Variants in BNC2 observed in about 807,000 individuals in gnomAD.
The protein encoded by BNC2 is basonuclin zinc finger protein 2.
Under a neutral mutation model 76.3 loss-of-function variants are expected in BNC2, and 20 were observed. The observed-to-expected ratio is 0.26, with a 90% CI of 0.18 to 0.38. The LOEUF (loss-of-function observed/expected upper bound fraction) is 0.38, where lower values mean the gene tolerates loss of function less well. Among genes scored for constraint, BNC2 ranks in the 10% least tolerant of loss-of-function variants. BNC2 has a pLI of 1.00. For synonymous variants in BNC2, 582 were observed against 514.8 expected (o/e 1.13, Z -1.77); for missense variants, 1,382 against 1,399.8 (o/e 0.99, Z 0.20).
intron 4 of BNC2, among the ~76,000 whole-genome samples, chr9:16,559,485 A>G (rs1818945036): frequency 6.6e-6 from 1 of 152,220 alleles, no homozygotes; most frequent in Non-Finnish European, 1.5e-5. Context: ...AGGCTCAATC[A>G]GGTTAGGTAA....
chr9:16,535,997 G>C (rs970411218), intron 5 of BNC2, among the ~76,000 whole-genome samples: 5 of 152,040 alleles, frequency 3.3e-5, no homozygotes, highest in African/African-American at 4.8e-5. Context: ...CTAATAGCCA[G>C]ATATGTAAAT....
chr9:16,728,150 G>T lies in BNC2; in HGVS notation c.130-153C>A, dbSNP rs1824405318. On this transcript the variant is annotated intron_variant, in intron 2 of 6. Coordinates refer to ENST00000380672, the MANE Select transcript of BNC2 (RefSeq NM_017637.6). ...GAGCTTCTTTCGCACCTTCTGCACA[G>T]ATATCCCTATCATTTATGCATAGAT... The T allele has an allele frequency of 9.3e-6, 7 of 755,544 alleles. No homozygotes were observed. The South Asian group carries it at 9.9e-5, about 11-fold the overall frequency. 46.8% of individuals were successfully genotyped at this position (755,544 alleles called of 1,614,324 possible). A position where few individuals can be genotyped will look rare whatever the true frequency, so the allele number is the denominator to read the frequency against.
chr9:16,578,914 C>G (rs1050059183), intron 4 of BNC2, among the ~76,000 whole-genome samples: 1 of 152,040 alleles, frequency 6.6e-6, no homozygotes, highest in African/African-American at 2.4e-5. Context: ...AGAGACTTGA[C>G]AGAATTAGAA....
chr9:16,850,324 T>C (rs892373643), intron 1 of BNC2, among the ~76,000 whole-genome samples: 2 of 152,232 alleles, frequency 1.3e-5, no homozygotes, highest in Non-Finnish European at 2.9e-5. Flanking sequence ...CATGCATGTA[T>C]GGTACGCATG....
intron 3 of BNC2, among the ~76,000 whole-genome samples, chr9:16,623,205 A>C (rs1820910340): frequency 6.6e-6 from 1 of 152,172 alleles, no homozygotes; most frequent in South Asian, 2.1e-4. Context: ...TATTCCAGTA[A>C]ACGAGACACA....
At chr9:16,698,821 A>G (rs1283387480) in intron 3 of BNC2, among the ~76,000 whole-genome samples, 1 of 152,232 alleles carries the variant, frequency 6.6e-6, no homozygotes, top group African/African-American at 2.4e-5. Flanking sequence ...ACCTATTCAT[A>G]CATTGGTAGG....
chr9:16,819,811 G>GT (rs1393290195), intron 1 of BNC2, among the ~76,000 whole-genome samples: 4 of 119,150 alleles, frequency 3.4e-5, no homozygotes, highest in Non-Finnish European at 8.5e-5. Context: ...TGTGAGATAT[G>GT]TATTTTTTTT....
chr9:16,626,262 T>G (rs1300364966), intron 3 of BNC2: 2 of 152,154 alleles, frequency 1.3e-5, no homozygotes, highest in Admixed American at 1.3e-4. Context: ...TTCCTGAAGC[T>G]GAAGGGAAAA....
intron 4 of BNC2, among the ~76,000 whole-genome samples, chr9:16,560,607 G>A (rs188692691): frequency 5.6e-4 from 86 of 152,216 alleles, no homozygotes; most frequent in Non-Finnish European, 4.4e-5. Context: ...CAAGCCTATA[G>A]TCCCAGTTAC....
chr9:16,717,110 G>T (rs1233130600), intron 3 of BNC2, among the ~76,000 whole-genome samples: 1 of 152,160 alleles, frequency 6.6e-6, no homozygotes, highest in Non-Finnish European at 1.5e-5. Flanking sequence ...CATTATGATT[G>T]AAATGTGAGC....
chr9:16,833,298 T>C (rs564011374), intron 1 of BNC2, among the ~76,000 whole-genome samples: 1 of 152,272 alleles, frequency 6.6e-6, no homozygotes, highest in East Asian at 1.9e-4. Flanking sequence ...AACACTCTTC[T>C]TGACAATTTC....
chr9:16,555,656 A>G (rs1818807830), intron 4 of BNC2, among the ~76,000 whole-genome samples: 2 of 152,008 alleles, frequency 1.3e-5, no homozygotes, highest in African/African-American at 2.4e-5. Flanking sequence ...TTAGCTGGAC[A>G]TGGTGGCGCC....
intron 3 of BNC2, among the ~76,000 whole-genome samples, chr9:16,706,503 A>T (rs1461533000): frequency 2.0e-5 from 3 of 152,216 alleles, no homozygotes; most frequent in African/African-American, 7.2e-5. Context: ...CAAATGAAGA[A>T]CATCTTACTT....
At chr9:16,435,496 A>T in intron 6 of BNC2, 59 bp downstream of exon 6, 3 of 1,585,944 alleles carry the variant, frequency 1.9e-6, no homozygotes, top group Non-Finnish European at 2.6e-6. Flanking sequence ...GAAGTCCAAC[A>T]TGACTGAAAA....
chr9:16,557,189 C>G (rs1404269353), intron 4 of BNC2, among the ~76,000 whole-genome samples: 1 of 151,960 alleles, frequency 6.6e-6, no homozygotes, highest in Admixed American at 6.6e-5. Flanking sequence ...GTGTCCCATA[C>G]CAATGGTATT....
intron 3 of BNC2, among the ~76,000 whole-genome samples, chr9:16,623,501 G>C (rs1045397244): frequency 6.6e-6 from 1 of 152,172 alleles, no homozygotes; most frequent in Admixed American, 6.6e-5. Flanking sequence ...TAAGGAGCCT[G>C]CAGAGAAAAC....
At chr9:16,658,015 G>A (rs1353255254) in intron 3 of BNC2, among the ~76,000 whole-genome samples, 2 of 152,108 alleles carry the variant, frequency 1.3e-5, no homozygotes, top group African/African-American at 4.8e-5. Context: ...ATAAACAGAA[G>A]TTCAATAATA....
At chr9:16,635,305 C>T (rs1821290153) in intron 3 of BNC2, among the ~76,000 whole-genome samples, 1 of 152,168 alleles carries the variant, frequency 6.6e-6, no homozygotes, top group African/African-American at 2.4e-5. Flanking sequence ...AGTAGGTTAA[C>T]AGTGCTCCTG....
At position 16,468,777 on chromosome 9, in the gene BNC2, A is replaced by C. The variant is rs1821752122; in HGVS notation, c.670-31253T>G. On this transcript the variant is annotated intron_variant, in intron 5 of 6. Transcript: ENST00000380672. ...TCCAAGCTGAGGTTTAAGAGGCTTA[A>C]AAGTGTTATTCAAGGTGACACAGCT... is the stretch of plus-strand genomic sequence containing the variant. 2.0e-5 allele frequency among the ~76,000 whole-genome samples: 3 copies of C among 152,168 alleles called. No individual in the cohort carries two copies. In the South Asian group the frequency reaches 6.2e-4, roughly 32 times the overall value.
Sources: allele counts gnomAD v4.1 joint callset (sites outside exome capture counted in the v4.1 genomes callset), GRCh38; gene constraint gnomAD v4.1.1; transcripts MANE v1.5; gene names NCBI Gene and HGNC (gene_info 2026-07-23, HGNC 2026-07-21).